Variants in SETBP1 observed in about 807,000 individuals in gnomAD.
SETBP1 encodes the protein SET-binding protein.
In SETBP1, 9 loss-of-function variants were observed where a neutral mutation model predicts 101.0. The observed-to-expected ratio is 0.09, with a 90% CI of 0.05 to 0.16. SETBP1 has a LOEUF of 0.16. Ranked by LOEUF, SETBP1 falls within the 10% of genes least tolerant of loss-of-function variation. The probability of loss-of-function intolerance (pLI) is 1.00; values close to 1 mark genes in which losing one functional copy is unlikely to be tolerated. For synonymous variants in SETBP1, 818 were observed against 788.5 expected (o/e 1.04, Z -0.63); for missense variants, 1,858 against 2,033.8 (o/e 0.91, Z 1.66).
chr18:45,042,705 A>T (rs574396794), intron 5 of SETBP1, among the ~76,000 whole-genome samples: 1 of 152,150 alleles, frequency 6.6e-6, no homozygotes, highest in African/African-American at 2.4e-5. Context: ...GTTTCAGGCA[A>T]TTTTTTTACC....
chr18:45,040,835 C>G (rs1412541559), intron 5 of SETBP1, among the ~76,000 whole-genome samples: 1 of 152,194 alleles, frequency 6.6e-6, no homozygotes, highest in Non-Finnish European at 1.5e-5. Context: ...TTTGGCAGTA[C>G]TTAAATGAGA....
chr18:44,919,788 T>A (rs1213261106), intron 3 of SETBP1, among the ~76,000 whole-genome samples: 1 of 151,924 alleles, frequency 6.6e-6, no homozygotes, highest in East Asian at 1.9e-4. Context: ...CACATACATA[T>A]GCATATACAC....
chr18:44,768,907 A>T (rs924170301), intron 2 of SETBP1, among the ~76,000 whole-genome samples: 3 of 152,258 alleles, frequency 2.0e-5, no homozygotes, highest in African/African-American at 7.2e-5. Context: ...ATATGGGCAG[A>T]TAGACTCTTT....
chr18:44,688,364 G>C (rs966589968), intron 1 of SETBP1, among the ~76,000 whole-genome samples: 1 of 152,198 alleles, frequency 6.6e-6, no homozygotes, highest in Non-Finnish European at 1.5e-5. Flanking sequence ...ATCAGAAGCA[G>C]TGGGAGCACC....
chr18:44,939,314 G>A (rs2071034926), intron 3 of SETBP1, among the ~76,000 whole-genome samples: 1 of 151,302 alleles, frequency 6.6e-6, no homozygotes, highest in Admixed American at 6.6e-5. Context: ...TGTTTTGCCT[G>A]ATCTACACCT....
intron 3 of SETBP1, chr18:44,870,956 C>T (rs1272413629): frequency 6.6e-6 from 1 of 152,222 alleles, no homozygotes; most frequent in Non-Finnish European, 1.5e-5. Flanking sequence ...GAGGTTCGTG[C>T]ATAACATTTG....
chr18:45,041,017 A>T (rs2073497718), intron 5 of SETBP1, among the ~76,000 whole-genome samples: 1 of 152,202 alleles, frequency 6.6e-6, no homozygotes, highest in South Asian at 2.1e-4. Flanking sequence ...AGCTAGAAAC[A>T]CACAGGCTGG....
rs935885977 is a variant in SETBP1 at position 45,065,355 on chromosome 18, A to T, written c.*1657A>T. ...CTGGCATGGTAGATTATAGAAAGAG[A>T]CACTGAGAGAGAGAATTAAATTTTC... On this transcript the variant is annotated 3_prime_UTR_variant, in exon 6 of 6. Coordinates refer to ENST00000649279, the MANE Select transcript of SETBP1 (RefSeq NM_015559.3). The T allele has an allele frequency of 6.6e-6, 1 of 152,210 alleles. No individual in the cohort carries two copies. The highest frequency in any genetic ancestry group is 2.4e-5 in the African/African-American group (1 of 41,454). 9.4% of individuals were successfully genotyped at this position (152,210 alleles called of 1,614,324 possible). A position where few individuals can be genotyped will look rare whatever the true frequency, so the allele number is the denominator to read the frequency against.
At chr18:44,969,624 G>T (rs1340158142) in intron 4 of SETBP1, among the ~76,000 whole-genome samples, 2 of 152,166 alleles carry the variant, frequency 1.3e-5, no homozygotes, top group Non-Finnish European at 2.9e-5. Context: ...TCCATGGCTA[G>T]GTTCTAGGTT....
At chr18:45,027,285 C>A (rs1048601266) in intron 4 of SETBP1, among the ~76,000 whole-genome samples, 1 of 152,268 alleles carries the variant, frequency 6.6e-6, no homozygotes, top group East Asian at 1.9e-4. Context: ...ATAGTGGTTT[C>A]TCTGAATCTA....
intron 4 of SETBP1, among the ~76,000 whole-genome samples, chr18:44,960,042 G>T (rs1299026137): frequency 6.6e-6 from 1 of 152,068 alleles, no homozygotes; most frequent in Admixed American, 6.5e-5. Flanking sequence ...AAGTAACTAG[G>T]ACTAGGTGCA....
At chr18:44,717,299 C>T (rs1056334781) in intron 2 of SETBP1, among the ~76,000 whole-genome samples, 2 of 152,204 alleles carry the variant, frequency 1.3e-5, no homozygotes, top group Non-Finnish European at 2.9e-5. Context: ...TAAAGTGAGA[C>T]CACAATAGCT....
At chr18:44,742,309 G>C (rs2070116909) in intron 2 of SETBP1, among the ~76,000 whole-genome samples, 1 of 152,172 alleles carries the variant, frequency 6.6e-6, no homozygotes, top group Non-Finnish European at 1.5e-5. Flanking sequence ...CCTTATCAGT[G>C]CCATTAGCTT....
intron 2 of SETBP1, among the ~76,000 whole-genome samples, chr18:44,756,853 G>A (rs761580222): frequency 6.6e-6 from 1 of 152,158 alleles, no homozygotes. Context: ...TCTATGTGGG[G>A]AGAATAAATG....
intron 4 of SETBP1, among the ~76,000 whole-genome samples, chr18:44,978,106 A>T (rs2072030799): frequency 6.6e-6 from 1 of 152,128 alleles, no homozygotes; most frequent in Admixed American, 6.5e-5. Flanking sequence ...GGCCAACATT[A>T]GGTTGGGAAG....
intron 2 of SETBP1, among the ~76,000 whole-genome samples, chr18:44,735,307 A>T (rs572861338): frequency 1.3e-5 from 2 of 152,316 alleles, no homozygotes; most frequent in African/African-American, 4.8e-5. Context: ...AGTTGCTGGC[A>T]GTTTAGCCTT....
chr18:44,803,574 CTCTTCCAGCTTTCCTGT>C (rs1568154198), intron 2 of SETBP1, among the ~76,000 whole-genome samples: 1 of 152,070 alleles, frequency 6.6e-6, no homozygotes, highest in Non-Finnish European at 1.5e-5. Context: ...TTCACTTTTC[CTCTTCCAGCTTTCCTGT>C]TCTTCCCCTC....
intron 4 of SETBP1, among the ~76,000 whole-genome samples, chr18:45,000,008 A>G (rs1479060077): frequency 1.3e-5 from 2 of 152,242 alleles, no homozygotes; most frequent in East Asian, 3.9e-4. Context: ...ATTCTTTCCA[A>G]AATTTTCTCA....
At chr18:44,929,124 G>A (rs1045083431) in intron 3 of SETBP1, among the ~76,000 whole-genome samples, 17 of 152,180 alleles carry the variant, frequency 1.1e-4, no homozygotes, top group South Asian at 2.1e-4. Context: ...AGGTGTAAGG[G>A]AGGGATCCAG....
Sources: gnomAD v4.1 joint callset for allele counts (sites outside exome capture counted in the v4.1 genomes callset) on GRCh38, gnomAD v4.1.1 for gene constraint, MANE v1.5 for transcripts, NCBI Gene and HGNC (gene_info 2026-07-23, HGNC 2026-07-21) for gene names.